The following SYNJ1 variants were observed in gnomAD, a reference collection of about 807,000 sequenced individuals.
SYNJ1 encodes the protein polyphosphatidylinositol phosphatase SYNJ1.
Under a neutral mutation model 168.2 loss-of-function variants are expected in SYNJ1, and 78 were observed. The ratio of observed to expected loss-of-function variants is 0.46; its 90% CI spans 0.39 to 0.56. The LOEUF (loss-of-function observed/expected upper bound fraction) is 0.56, where lower values mean the gene tolerates loss of function less well. Ranked by LOEUF, SYNJ1 falls within the 20% of genes least tolerant of loss-of-function variation. The pLI, the probability that SYNJ1 is intolerant of heterozygous loss-of-function variation, is 0.00. For missense variants in SYNJ1, 1,303 were observed against 1,597.6 expected (o/e 0.82, Z 3.14); for synonymous variants, 539 against 548.6 (o/e 0.98, Z 0.24).
At position 32,688,311 on chromosome 21, in the gene SYNJ1, A is replaced by G. The variant is rs1461469693; in HGVS notation, c.846T>C (p.Phe282=). The part of the protein sequence containing the change: ...SRGFEANAPA[F]DRHFRTLKNL... The stretch of plus-strand genomic sequence containing the variant: ...CTATGTAAAAATTGTCTTACCTGTC[A>G]AAAGCAGGTGCATTGGCTTCAAATC... Residue 282 remains phenylalanine, a synonymous_variant, in exon 7 of 33, where the codon TTT becomes TTC. Coordinates refer to ENST00000674351, the MANE Select transcript of SYNJ1 (RefSeq NM_203446.3). 3.1e-6 allele frequency: 5 copies of G among 1,613,472 alleles called. No individual in the cohort carries two copies.
upstream of SYNJ1, chr21:32,728,061 A>C (rs2122964114): frequency 1.2e-5 from 18 of 1,525,798 alleles, no homozygotes; most frequent in African/African-American, 2.0e-4. Flanking sequence ...CCGGGGGCGG[A>C]AGATCCGCCC....
rs1458762474 is a variant in SYNJ1 at position 32,644,992 on chromosome 21, C to G, written c.3406G>C (p.Ala1136Pro). 5 of 1,607,474 alleles carry G rather than the reference C, an allele frequency of 3.1e-6. No individual in the cohort carries two copies. The African/African-American group carries it at 6.7e-5, about 22-fold the overall frequency. The change falls in exon 26 of 33, where the codon GCA becomes CCA. Residue 1136 changes from alanine (A) to proline (P), a missense_variant. Transcript: ENST00000674351. ...PPPPSGARSPAPTRKEFGGIG... is the reference protein window; with the variant it reads ...PPPPSGARSPPPTRKEFGGIG... ...CCTCCAAATTCCTTTCTAGTGGGTG[C>G]AGGACTCCTAGCCCCTTATAGTTCA...
At chr21:32,722,202 AAAAATATATAT>A (rs1291965332) in intron 2 of SYNJ1, among the ~76,000 whole-genome samples, 7 of 94,510 alleles carry the variant, frequency 7.4e-5, no homozygotes, top group Admixed American at 1.1e-4. Flanking sequence ...AAAAAAAAAA[AAAAATATATAT>A]ATATATATAT....
At chr21:32,675,386 CA>C (rs1423272173) in intron 13 of SYNJ1, among the ~76,000 whole-genome samples, 2 of 151,496 alleles carry the variant, frequency 1.3e-5, no homozygotes, top group African/African-American at 4.8e-5. Context: ...AACAGAGAGT[CA>C]AAAAAATAAA....
intron 2 of SYNJ1, among the ~76,000 whole-genome samples, chr21:32,707,574 T>C (rs538522689): frequency 6.6e-6 from 1 of 152,232 alleles, no homozygotes; most frequent in East Asian, 1.9e-4. Flanking sequence ...CTTCAAGTGA[T>C]CCTCCTGCCT....
chr21:32,668,615 TTTCAGCCTA>T (rs1460725926), intron 15 of SYNJ1, among the ~76,000 whole-genome samples: 1 of 152,230 alleles, frequency 6.6e-6, no homozygotes, highest in Non-Finnish European at 1.5e-5. Flanking sequence ...TTGATGACTA[TTTCAGCCTA>T]TAATTTTCTC....
At chr21:32,678,467 T>C (rs1326303659) in intron 12 of SYNJ1, among the ~76,000 whole-genome samples, 178 bp downstream of exon 12, 1 of 152,188 alleles carries the variant, frequency 6.6e-6, no homozygotes, top group Non-Finnish European at 1.5e-5. Flanking sequence ...CCACTGATTG[T>C]ACAAATATTT....
chr21:32,724,404 C>T (rs889393951), intron 2 of SYNJ1, among the ~76,000 whole-genome samples: 9 of 152,180 alleles, frequency 5.9e-5, no homozygotes, highest in African/African-American at 2.2e-4. Context: ...AGGAGAACCA[C>T]TTGAACCCAG....
At chr21:32,717,484 G>A (rs1385140679) in intron 2 of SYNJ1, among the ~76,000 whole-genome samples, 1 of 152,196 alleles carries the variant, frequency 6.6e-6, no homozygotes, top group Non-Finnish European at 1.5e-5. Context: ...CTTGGAAACA[G>A]TGGCATCCCT....
intron 21 of SYNJ1, among the ~76,000 whole-genome samples, chr21:32,656,248 A>G (rs2040452593): frequency 6.6e-6 from 1 of 152,190 alleles, no homozygotes; most frequent in South Asian, 2.1e-4. Context: ...CCTGGGCAAC[A>G]TGGTGAAACC....
intron 15 of SYNJ1, 70 bp downstream of exon 15, chr21:32,670,218 C>T (rs2041134765): frequency 8.2e-7 from 1 of 1,220,048 alleles, no homozygotes; most frequent in Admixed American, 1.9e-5. Flanking sequence ...GTAACAATTA[C>T]TTAATTATCT....
chr21:32,650,371 A>G, intron 22 of SYNJ1, 25 bp from the exon 23 acceptor site: 1 of 1,576,500 alleles, frequency 6.3e-7, no homozygotes, highest in Non-Finnish European at 8.6e-7. Context: ...GAGATATAAA[A>G]TAAAGATTAA....
chr21:32,639,749 C>A lies in SYNJ1; in HGVS notation c.3619G>T (p.Ala1207Ser). The A allele has an allele frequency of 6.2e-7, 1 of 1,614,128 alleles. No homozygotes were observed. The highest frequency in any genetic ancestry group is 8.5e-7 in the Non-Finnish European group (1 of 1,180,000). Residue 1207 changes from alanine to serine, a missense_variant, in exon 30 of 33, where the codon GCC becomes TCC. Physicochemically the swap from Ala to Ser is moderately conservative, Grantham distance 99. Coordinates refer to ENST00000674351, the MANE Select transcript of SYNJ1 (RefSeq NM_203446.3). ...GATGCCCGCGCGTGGCTCTGTGGGG[C>A]ACTGATAACTCCAGCACGAGGAGGA... ...TIPPRAGVIS[A>S]PQSHARASAG...
In SYNJ1 at chr21:32,666,457, C is replaced by T; in HGVS notation, c.1928G>A (p.Arg643Lys). The T allele has an allele frequency of 6.2e-7, 1 of 1,613,934 alleles. No homozygotes were observed. Residue 643 changes from arginine to lysine, a missense_variant, in exon 16 of 33, where the codon AGA (arginine) becomes AAA (lysine). Coordinates refer to ENST00000674351, the MANE Select transcript of SYNJ1 (RefSeq NM_203446.3). ...CCTGATAAAAGGAGCATGCTGTGGT[C>T]TGATAAAAACAAACAAACAGACGCC... ...LVGVCLFVFI[R>K]PQHAPFIRDV...
intron 10 of SYNJ1, 94 bp downstream of exon 10, chr21:32,683,944 C>T (rs2041727016): frequency 9.2e-7 from 1 of 1,088,962 alleles, no homozygotes; most frequent in African/African-American, 1.6e-5. Flanking sequence ...ACATTACATA[C>T]ACTTTCTGGA....
At chr21:32,656,335 T>C (rs1407372493) in intron 21 of SYNJ1, among the ~76,000 whole-genome samples, 3 of 152,104 alleles carry the variant, frequency 2.0e-5, no homozygotes, top group Admixed American at 1.3e-4. Context: ...ACCCAGCTAT[T>C]TGGGAGGCTG....
rs2039260074 is a variant in SYNJ1, at chr21:32,629,992, G to C, written c.*1813C>G. 1 of 152,274 alleles carries C rather than the reference G, an allele frequency of 6.6e-6. No individual in the cohort carries two copies. 9.4% of individuals were successfully genotyped at this position (152,274 alleles called of 1,614,324 possible). A position where few individuals can be genotyped will look rare whatever the true frequency, so the allele number is the denominator to read the frequency against. On this transcript the variant is annotated 3_prime_UTR_variant, in exon 33 of 33. Transcript: ENST00000674351. Reference sequence around the variant, plus strand: ...AGCTGCTTTCCCTGCTAAAAGCAAAGTTCCAGAGCAAAAGCAGCAAAAAGA... The same window carrying C: ...AGCTGCTTTCCCTGCTAAAAGCAAACTTCCAGAGCAAAAGCAGCAAAAAGA...
At chr21:32,649,367 C>G (rs1387355968) in intron 23 of SYNJ1, among the ~76,000 whole-genome samples, 1 of 152,136 alleles carries the variant, frequency 6.6e-6, no homozygotes, top group Non-Finnish European at 1.5e-5. Flanking sequence ...CAGGGCATTA[C>G]AATATTATTA....
chr21:32,726,277 T>A (rs1023407001), intron 2 of SYNJ1, among the ~76,000 whole-genome samples: 1 of 152,218 alleles, frequency 6.6e-6, no homozygotes, highest in African/African-American at 2.4e-5. Context: ...ATCAAAATAC[T>A]TTTAAAAATA....
Sources: allele counts gnomAD v4.1 joint callset (sites outside exome capture counted in the v4.1 genomes callset), GRCh38; gene constraint gnomAD v4.1.1; transcripts MANE v1.5; gene names NCBI Gene and HGNC (gene_info 2026-07-23, HGNC 2026-07-21).